BICRA: variants seen among roughly 807,000 people sequenced by gnomAD.
BICRA encodes BRD4-interacting chromatin-remodeling complex-associated protein.
A neutral mutation model predicts 96.9 loss-of-function variants in BICRA; 31 were observed. The observed-to-expected ratio is 0.32, with a 90% CI of 0.24 to 0.43. BICRA has a LOEUF of 0.43. Among genes scored for constraint, BICRA ranks in the 20% least tolerant of loss-of-function variants. BICRA has a pLI of 1.00. For missense variants in BICRA, 2,283 were observed against 2,190.3 expected (o/e 1.04, Z -0.84); for synonymous variants, 1,350 against 1,071.8 (o/e 1.26, Z -5.07).
chr19:47,629,536 G>A (rs990198412), intron 1 of BICRA, among the ~76,000 whole-genome samples: 7 of 152,294 alleles, frequency 4.6e-5, no homozygotes, highest in South Asian at 2.1e-4. Context: ...ATAATATTCC[G>A]TTGCATGAAT....
chr19:47,610,934 A>G (rs1971897188), intron 1 of BICRA, among the ~76,000 whole-genome samples: 1 of 152,152 alleles, frequency 6.6e-6, no homozygotes, highest in South Asian at 2.1e-4. Context: ...CTCCCCGCTC[A>G]AGATGGAAAT....
intron 1 of BICRA, among the ~76,000 whole-genome samples, chr19:47,611,603 C>T (rs950397700): frequency 6.6e-6 from 1 of 152,162 alleles, no homozygotes; most frequent in African/African-American, 2.4e-5. Flanking sequence ...CCCTGTGACC[C>T]GCTGTCGCTT....
chr19:47,619,476 C>T (rs1049555466), intron 1 of BICRA, among the ~76,000 whole-genome samples: 6 of 152,112 alleles, frequency 3.9e-5, no homozygotes, highest in African/African-American at 1.4e-4. Flanking sequence ...CCAGGCTGGT[C>T]TCGAACTCCT....
chr19:47,643,718 C>T (rs1038853087), intron 1 of BICRA, among the ~76,000 whole-genome samples: 32 of 152,302 alleles, frequency 2.1e-4, no homozygotes, highest in African/African-American at 6.0e-4. Flanking sequence ...CAGTTAACAT[C>T]GGTTGTTTGC....
chr19:47,608,675 T>TGGGGGC, upstream of BICRA, among the ~76,000 whole-genome samples: 1 of 151,214 alleles, frequency 6.6e-6, no homozygotes, highest in Non-Finnish European at 1.5e-5. Flanking sequence ...GGACTGGGGC[T>TGGGGGC]GGGGGCGGGG....
intron 1 of BICRA, among the ~76,000 whole-genome samples, chr19:47,668,605 A>G (rs191464455): frequency 3.1e-4 from 47 of 151,004 alleles, no homozygotes; most frequent in Non-Finnish European, 5.2e-4. Flanking sequence ...TTCGTGCCTC[A>G]GTCTCCTGAG....
chr19:47,694,108 T>A lies in BICRA; in HGVS notation c.2284-7T>A. Reference sequence around the variant, plus strand: ...GCCCCTCCCCTCTCCCTCCCTCCCCTGCCCAGATCCCGGCAGCGGCTCCGC... The same window carrying A: ...GCCCCTCCCCTCTCCCTCCCTCCCCAGCCCAGATCCCGGCAGCGGCTCCGC... On this transcript the variant is annotated splice_polypyrimidine_tract_variant and splice_region_variant and intron_variant, in intron 7 of 14. Coordinates refer to ENST00000594866, the MANE Select transcript of BICRA (RefSeq NM_001394372.1). 1 of 511,448 alleles carries A rather than the reference T, an allele frequency of 2.0e-6. No individual in the cohort carries two copies. Among genetic ancestry groups the A allele is most frequent in the Non-Finnish European group, 2.4e-6 (1 of 419,384 alleles). The allele number at this position is 511,448 out of a possible 1,614,324, so 31.7% of individuals were successfully genotyped here. A position where few individuals can be genotyped will look rare whatever the true frequency, so the allele number is the denominator to read the frequency against.
rs1194693763 is a variant in BICRA, at chr19:47,680,163, C to T, written c.993C>T (p.Leu331=). 3 of 1,532,748 alleles carry T rather than the reference C, an allele frequency of 2.0e-6. No homozygotes were observed. The highest frequency in any genetic ancestry group is 5.0e-5 in the East Asian group (2 of 40,298). 94.9% of individuals were successfully genotyped at this position (1,532,748 alleles called of 1,614,324 possible). A position where few individuals can be genotyped will look rare whatever the true frequency, so the allele number is the denominator to read the frequency against. Residue 331 remains leucine, a synonymous_variant, in exon 6 of 15, where the codon CTC becomes CTT. Transcript: ENST00000594866. The part of the protein sequence containing the change: ...SGQPLAVAPG[L]GSSPLVPAPN... ...AGCCGCTGGCGGTGGCCCCAGGCCT[C>T]GGCTCGTCGCCACTGGTCCCGGCGC...
chr19:47,679,587 CG>C lies in BICRA; in HGVS notation c.421del (p.Ala141GlnfsTer36). 1 of 1,537,490 alleles carries C rather than the reference CG, an allele frequency of 6.5e-7. No homozygotes were observed. On this transcript the variant is annotated frameshift_variant, in exon 6 of 15. Transcript: ENST00000594866. LOFTEE classifies it high-confidence loss of function. The part of the protein sequence containing the change: ...QLPTLQPADG[G>X]AGPTGAGGAA... ...TGCCCACCCTGCAGCCTGCGGATGGCGGGGCAGGCCCGACGGGCGCTGGAGG... is the reference window on the plus strand; with the variant it reads ...TGCCCACCCTGCAGCCTGCGGATGGCGGGCAGGCCCGACGGGCGCTGGAGG...
chr19:47,694,140 G>T lies in BICRA; in HGVS notation c.2309G>T (p.Gly770Val). 6.6e-7 allele frequency: 1 copy of T among 1,519,836 alleles called. No homozygotes were observed. Among genetic ancestry groups the T allele is most frequent in the Non-Finnish European group, 8.8e-7 (1 of 1,131,568 alleles). 94.1% of individuals were successfully genotyped at this position (1,519,836 alleles called of 1,614,324 possible). A position where few individuals can be genotyped will look rare whatever the true frequency, so the allele number is the denominator to read the frequency against. Residue 770 changes from glycine (G) to valine (V), a missense_variant, in exon 8 of 15, where the codon GGC becomes GTC. Transcript: ENST00000594866. The stretch of plus-strand genomic sequence containing the variant: ...ATCCCGGCAGCGGCTCCGCTGAAGG[G>T]CCCAGGCCCCTCTTCGTCCCCGTCA... ...PQIPAAAPLK[G>V]PGPSSSPSLP...
intron 1 of BICRA, among the ~76,000 whole-genome samples, chr19:47,653,054 G>A (rs8109420): frequency 0.32 from 42,654 of 134,488 alleles, 6,807 homozygotes; most frequent in Middle Eastern, 0.4. Flanking sequence ...ACAGGGTCTC[G>A]CGCCGTCCGC....
Position 47,675,537 on chromosome 19 carries a change from CTG to C in BICRA, c.85-313_85-312del, listed in dbSNP as rs1271622629. Among the ~76,000 whole-genome samples, 1 of 152,186 alleles carries C rather than the reference CTG, an allele frequency of 6.6e-6. No homozygotes were observed. Among genetic ancestry groups the C allele is most frequent in the African/African-American group, 2.4e-5 (1 of 41,458 alleles). On this transcript the variant is annotated intron_variant, in intron 4 of 14. Coordinates refer to ENST00000594866, the MANE Select transcript of BICRA (RefSeq NM_001394372.1). This position sits in a 1 kb window ranked among gnomAD's most constrained non-coding sequence, Gnocchi z 4.7. ...CCTGAAGGCTGTGCTACTGGAGAGACTGGGGGGCAGTGGCAGGGCGCAGCTTG... is the reference window on the plus strand; with the variant it reads ...CCTGAAGGCTGTGCTACTGGAGAGACGGGGGCAGTGGCAGGGCGCAGCTTG...
At chr19:47,700,797 A>G (rs925957038) in intron 14 of BICRA, 1 of 153,434 alleles carries the variant, frequency 6.5e-6, no homozygotes, top group Non-Finnish European at 1.4e-5. Context: ...GTCTCAAAAA[A>G]ACAAACAAAC....
At chr19:47,629,667 G>T (rs1055508183) in intron 1 of BICRA, among the ~76,000 whole-genome samples, 59 of 151,598 alleles carry the variant, frequency 3.9e-4, no homozygotes, top group African/African-American at 1.4e-3. Context: ...TTTTTGTGTG[G>T]TTTTTTTTGA....
At chr19:47,645,290 G>A (rs752262809) in intron 1 of BICRA, among the ~76,000 whole-genome samples, 3 of 151,972 alleles carry the variant, frequency 2.0e-5, no homozygotes, top group South Asian at 2.1e-4. Flanking sequence ...TGTGTAGAAC[G>A]TCTCTCATTT....
At chr19:47,633,912 G>C (rs974385792) in intron 1 of BICRA, among the ~76,000 whole-genome samples, 1 of 152,186 alleles carries the variant, frequency 6.6e-6, no homozygotes, top group African/African-American at 2.4e-5. Flanking sequence ...CTCAGAACCC[G>C]CCGAGGGGCG....
intron 1 of BICRA, among the ~76,000 whole-genome samples, chr19:47,620,457 G>A (rs1206302721): frequency 1.3e-5 from 2 of 151,716 alleles, no homozygotes; most frequent in East Asian, 1.9e-4. Context: ...ACCTGAGGTC[G>A]GGAGTTTGAG....
At position 47,699,310 on chromosome 19, in the gene BICRA, G is replaced by A. The variant is rs1424595929; in HGVS notation, c.3500G>A (p.Ser1167Asn). ...LLLLEESRRVSPSAEMVMIDR... is the reference protein window; with the variant it reads ...LLLLEESRRVNPSAEMVMIDR... ...TCTTTTCCCCCACCCCAGAGGGTGAGCCCCTCAGCGGAGATGGTAATGATC... is the reference window on the plus strand; with the variant it reads ...TCTTTTCCCCCACCCCAGAGGGTGAACCCCTCAGCGGAGATGGTAATGATC... The change falls in exon 14 of 15, where the codon AGC becomes AAC. Residue 1167 changes from serine to asparagine, a missense_variant. Physicochemically the swap from Ser to Asn is conservative, Grantham distance 46 (BLOSUM62 1). Coordinates refer to ENST00000594866, the MANE Select transcript of BICRA (RefSeq NM_001394372.1). This position sits in a 1 kb window ranked among gnomAD's most constrained non-coding sequence, Gnocchi z 5.0. 5.8e-6 allele frequency: 9 copies of A among 1,553,282 alleles called. No individual in the cohort carries two copies. Among genetic ancestry groups the A allele is most frequent in the Non-Finnish European group, 7.0e-6 (8 of 1,145,126 alleles).
At chr19:47,665,814 C>T (rs760572667) in intron 1 of BICRA, among the ~76,000 whole-genome samples, 25 of 152,158 alleles carry the variant, frequency 1.6e-4, no homozygotes, top group South Asian at 8.3e-4. Context: ...GGGGGTAATA[C>T]CAGGGTGTTT....
Sources: gnomAD v4.1 joint callset for allele counts (sites outside exome capture counted in the v4.1 genomes callset) on GRCh38, gnomAD v4.1.1 for gene constraint, Gnocchi (gnomAD v3.1) non-coding constraint, MANE v1.5 for transcripts, NCBI Gene and HGNC (gene_info 2026-07-23, HGNC 2026-07-21) for gene names.